The following LRP1B variants were observed in gnomAD, a reference collection of about 807,000 sequenced individuals.
The protein encoded by LRP1B is LDL receptor related protein 1B, also known as low-density lipoprotein receptor-related protein 1B.
LRP1B carries 217 observed loss-of-function variants against 556.6 expected under a neutral mutation model. That is an observed-to-expected ratio of 0.39 (90% CI 0.35 to 0.44). The LOEUF (loss-of-function observed/expected upper bound fraction) is 0.44, where lower values mean the gene tolerates loss of function less well. Ranked by LOEUF, LRP1B falls within the 20% of genes least tolerant of loss-of-function variation. The probability of loss-of-function intolerance (pLI) is 1.00; values close to 1 mark genes in which losing one functional copy is unlikely to be tolerated. For missense variants in LRP1B, 5,053 were observed against 5,620.8 expected (o/e 0.90, Z 3.23); for synonymous variants, 2,047 against 1,865.8 (o/e 1.10, Z -2.50).
At chr2:141,900,735 C>T (rs1417042895) in intron 1 of LRP1B, among the ~76,000 whole-genome samples, 1 of 151,940 alleles carries the variant, frequency 6.6e-6, no homozygotes, top group Admixed American at 6.6e-5. Flanking sequence ...ATATTGAAAA[C>T]ATATAATTCT....
At chr2:141,394,288 G>A (rs765703923) in intron 3 of LRP1B, among the ~76,000 whole-genome samples, 35 of 151,900 alleles carry the variant, frequency 2.3e-4, no homozygotes, top group Non-Finnish European at 3.8e-4. Flanking sequence ...GGACTTTTCT[G>A]GTAAAATAAG....
intron 18 of LRP1B, among the ~76,000 whole-genome samples, chr2:140,973,619 T>A (rs562425055): frequency 1.3e-5 from 2 of 152,268 alleles, no homozygotes; most frequent in South Asian, 2.1e-4. Context: ...GTCAGTTACA[T>A]GATAAGGCTG....
chr2:141,869,109 A>G (rs567430562), intron 1 of LRP1B, among the ~76,000 whole-genome samples: 1 of 152,218 alleles, frequency 6.6e-6, no homozygotes, highest in African/African-American at 2.4e-5. Flanking sequence ...TTTGGACCAC[A>G]ATTGCTATTT....
At chr2:140,382,733 AT>A (rs1310944594) in intron 67 of LRP1B, among the ~76,000 whole-genome samples, 1 of 152,220 alleles carries the variant, frequency 6.6e-6, no homozygotes, top group Non-Finnish European at 1.5e-5. Context: ...CTCCAACACA[AT>A]TTAAAAAGTA....
At chr2:140,442,460 G>C (rs764291492) in intron 66 of LRP1B, 44 bp downstream of exon 66, 1 of 1,577,794 alleles carries the variant, frequency 6.3e-7, no homozygotes, top group Non-Finnish European at 8.6e-7. Context: ...CGCAGATGAT[G>C]ACTCAAATAC....
Position 141,020,005 on chromosome 2 carries a change from C to A in LRP1B, c.1887G>T (p.Leu629=). The A allele has an allele frequency of 2.5e-6, 4 of 1,611,848 alleles. No individual in the cohort carries two copies. The highest frequency in any genetic ancestry group is 3.4e-6 in the Non-Finnish European group (4 of 1,178,580). The change falls in exon 12 of 91, where the codon CTG becomes CTT. Residue 629 remains leucine (L), a synonymous_variant. Coordinates refer to ENST00000389484, the MANE Select transcript of LRP1B (RefSeq NM_018557.3). The stretch of plus-strand genomic sequence containing the variant: ...TCTTCCGACTCTGAGAAGCTTTTTC[C>A]AGCCTGGCCACATTAATGGTTTTCC... ...GHRKTINVAR[L]EKASQSRKTL... is the part of the protein sequence containing the mutation.
chr2:142,102,224 T>C (rs1706591481), intron 1 of LRP1B, among the ~76,000 whole-genome samples: 1 of 151,980 alleles, frequency 6.6e-6, no homozygotes, highest in Non-Finnish European at 1.5e-5. Context: ...GCCTTATGCA[T>C]GTTACAGCCA....
intron 7 of LRP1B, among the ~76,000 whole-genome samples, chr2:141,104,420 GTGGAAC>G (rs1023380220): frequency 6.6e-6 from 1 of 152,088 alleles, no homozygotes; most frequent in Non-Finnish European, 1.5e-5. Context: ...ATCGTGACTG[GTGGAAC>G]TATCAGTGCA....
intron 3 of LRP1B, among the ~76,000 whole-genome samples, chr2:141,391,542 G>A (rs1430771122): frequency 6.6e-6 from 1 of 151,946 alleles, no homozygotes; most frequent in Non-Finnish European, 1.5e-5. Context: ...TAAATGAAGA[G>A]CCTCATACAC....
chr2:140,535,831 C>T (rs1472140050), intron 46 of LRP1B, among the ~76,000 whole-genome samples: 1 of 152,124 alleles, frequency 6.6e-6, no homozygotes, highest in Non-Finnish European at 1.5e-5. Flanking sequence ...TAGATGTTGA[C>T]TATCACTTGG....
At chr2:140,606,002 C>A (rs559987996) in intron 41 of LRP1B, among the ~76,000 whole-genome samples, 3 of 151,384 alleles carry the variant, frequency 2.0e-5, no homozygotes, top group Admixed American at 6.6e-5. Flanking sequence ...GAGATTCCAG[C>A]AAGGGTAATT....
chr2:142,073,368 C>A (rs1428152309), intron 1 of LRP1B, among the ~76,000 whole-genome samples: 3 of 151,934 alleles, frequency 2.0e-5, no homozygotes, highest in Non-Finnish European at 4.4e-5. Flanking sequence ...TTCTAAAGAC[C>A]TAATACTACC....
chr2:141,072,373 A>C (rs933973474), intron 7 of LRP1B, among the ~76,000 whole-genome samples: 5 of 152,102 alleles, frequency 3.3e-5, no homozygotes, highest in Non-Finnish European at 7.4e-5. Context: ...CAAGGAAGTC[A>C]GTATCCCATA....
intron 41 of LRP1B, among the ~76,000 whole-genome samples, chr2:140,673,379 T>C (rs1426866219): frequency 6.6e-6 from 1 of 152,232 alleles, no homozygotes. Context: ...TTTCTAGTTT[T>C]CAATAACATA....
At chr2:141,535,644 G>C (rs1293706653) in intron 2 of LRP1B, among the ~76,000 whole-genome samples, 2 of 151,896 alleles carry the variant, frequency 1.3e-5, no homozygotes. Flanking sequence ...TGAAATGAAG[G>C]ATCTTTCCTG....
chr2:140,884,080 G>T (rs1693560025), intron 24 of LRP1B, 59 bp from the exon 25 acceptor site: 21 of 1,475,218 alleles, frequency 1.4e-5, no homozygotes, highest in Non-Finnish European at 2.0e-5. Flanking sequence ...AAGCACAAAG[G>T]AAAAGGCCTT....
intron 82 of LRP1B, among the ~76,000 whole-genome samples, chr2:140,321,661 ATT>A (rs1680140051): frequency 6.6e-6 from 1 of 150,732 alleles, no homozygotes; most frequent in African/African-American, 2.4e-5. Flanking sequence ...CTCAAAAAAT[ATT>A]GTTTTATCTA....
In LRP1B at chr2:141,694,025, A is replaced by T. The variant is rs1392420341; in HGVS notation, c.205+116254T>A. On this transcript the variant is annotated intron_variant, in intron 2 of 90. Transcript: ENST00000389484. ...TGTCCAAACTCTGCAGTTTGACAAA[A>T]AGAGGGGAACTTTGAGAATGTTGAG... 5.3e-5 allele frequency among the ~76,000 whole-genome samples: 8 copies of T among 152,048 alleles called. No homozygotes were observed. In the East Asian group the frequency reaches 1.5e-3, roughly 29 times the overall value.
chr2:141,409,070 T>G (rs576523681), intron 3 of LRP1B, among the ~76,000 whole-genome samples: 7 of 152,326 alleles, frequency 4.6e-5, no homozygotes, highest in Admixed American at 3.3e-4. Flanking sequence ...TGGCATTGAA[T>G]GAGTTAGTAA....
Sources: allele counts gnomAD v4.1 joint callset (sites outside exome capture counted in the v4.1 genomes callset), GRCh38; gene constraint gnomAD v4.1.1; transcripts MANE v1.5; gene names NCBI Gene and HGNC (gene_info 2026-07-23, HGNC 2026-07-21).